Variants in CLIC4 observed in about 807,000 individuals in gnomAD.
CLIC4 encodes chloride intracellular channel protein 4.
CLIC4 carries 13 observed loss-of-function variants against 24.6 expected under a neutral mutation model. The observed-to-expected ratio is 0.53, with a 90% confidence interval of 0.34 to 0.84. CLIC4 has a LOEUF of 0.84. Among genes scored for constraint, CLIC4 ranks in the 40% least tolerant of loss-of-function variants. The pLI is 0.01. For missense variants in CLIC4, 227 were observed against 301.7 expected (o/e 0.75, Z 1.83); for synonymous variants, 104 against 111.3 (o/e 0.93, Z 0.41).
intron 1 of CLIC4, among the ~76,000 whole-genome samples, chr1:24,765,081 G>A (rs985876422): frequency 6.6e-6 from 1 of 152,148 alleles, no homozygotes; most frequent in African/African-American, 2.4e-5. Context: ...TGCCTGGGAG[G>A]CCTTTTCACT....
At chr1:24,773,591 C>CTTTT (rs61367134) in intron 1 of CLIC4, among the ~76,000 whole-genome samples, 11 of 73,986 alleles carry the variant, frequency 1.5e-4, no homozygotes, top group East Asian at 1.3e-3. Context: ...TGAGATGCAC[C>CTTTT]TTTTTTTTTT....
chr1:24,755,364 G>C, intron 1 of CLIC4, among the ~76,000 whole-genome samples: 1 of 151,580 alleles, frequency 6.6e-6, no homozygotes, highest in Middle Eastern at 3.4e-3. Flanking sequence ...TCTTGAACCC[G>C]GGAGGCGGAG....
chr1:24,840,321 T>C (rs1277384335), intron 5 of CLIC4, among the ~76,000 whole-genome samples: 1 of 152,226 alleles, frequency 6.6e-6, no homozygotes, highest in African/African-American at 2.4e-5. Context: ...CACTGACTTA[T>C]GTTATCAAAT....
intron 1 of CLIC4, among the ~76,000 whole-genome samples, chr1:24,780,480 C>T (rs928763855): frequency 1.3e-5 from 2 of 152,242 alleles, no homozygotes; most frequent in African/African-American, 4.8e-5. Flanking sequence ...ACCACTTTCT[C>T]ATGTACTCAT....
At chr1:24,767,608 A>T (rs1268074995) in intron 1 of CLIC4, among the ~76,000 whole-genome samples, 1 of 152,184 alleles carries the variant, frequency 6.6e-6, no homozygotes, top group Admixed American at 6.5e-5. Context: ...CTTACTAGGT[A>T]ACTAAAGGAC....
chr1:24,820,267 CTTTTT>C (rs372726009), intron 3 of CLIC4, among the ~76,000 whole-genome samples: 4 of 49,770 alleles, frequency 8.0e-5, no homozygotes, highest in Non-Finnish European at 1.3e-4. Flanking sequence ...CCTTTTTGGT[CTTTTT>C]TTTTTTTTTT....
chr1:24,798,056 A>C, intron 2 of CLIC4: 2 of 424,134 alleles, frequency 4.7e-6, no homozygotes, highest in East Asian at 4.5e-5. Flanking sequence ...TTTTTTAGGA[A>C]CTTTTGTATG....
intron 1 of CLIC4, among the ~76,000 whole-genome samples, chr1:24,786,920 T>A (rs779913522): frequency 6.6e-6 from 1 of 151,644 alleles, no homozygotes; most frequent in Non-Finnish European, 1.5e-5. Flanking sequence ...GCCAGGCCAA[T>A]TTTTATTTTT....
chr1:24,819,140 T>G (rs1433877989), intron 3 of CLIC4, among the ~76,000 whole-genome samples: 1 of 152,130 alleles, frequency 6.6e-6, no homozygotes, highest in African/African-American at 2.4e-5. Context: ...TTTTATTTTC[T>G]TAATTCTTTT....
intron 1 of CLIC4, among the ~76,000 whole-genome samples, chr1:24,755,309 C>G (rs1250634032): frequency 8.2e-5 from 12 of 146,416 alleles, no homozygotes; most frequent in Middle Eastern, 3.8e-3. Context: ...CATGATGGTG[C>G]ACGCCTGTAA....
chr1:24,766,236 CTCCTGT>C (rs935939953), intron 1 of CLIC4, among the ~76,000 whole-genome samples: 11 of 152,004 alleles, frequency 7.2e-5, no homozygotes, highest in African/African-American at 2.4e-4. Context: ...ATCTCTTGAC[CTCCTGT>C]TCCACCCACC....
chr1:24,772,717 C>G (rs956720874), intron 1 of CLIC4, among the ~76,000 whole-genome samples: 2 of 152,178 alleles, frequency 1.3e-5, no homozygotes, highest in African/African-American at 4.8e-5. Context: ...AACCCCTGAC[C>G]TCATGATCCA....
At chr1:24,826,702 C>G (rs116350385) in intron 3 of CLIC4, among the ~76,000 whole-genome samples, 305 of 152,304 alleles carry the variant, frequency 2.0e-3, no homozygotes, top group Middle Eastern at 0.014. Context: ...TTCCAAGACT[C>G]CCATTGGCCT....
Position 24,784,208 on chromosome 1 carries a change from C to T in CLIC4, c.73-13534C>T, listed in dbSNP as rs1006673763. On this transcript the variant is annotated intron_variant, in intron 1 of 5. Transcript: ENST00000374379. ...ATCAAAAAGTGTGAAAGGTACACAA[C>T]AAACAACTCCCCTAACCCCGTCCCT... Among the ~76,000 whole-genome samples the T allele has an allele frequency of 3.3e-5, 5 of 152,266 alleles. No homozygotes were observed. In the South Asian group the frequency reaches 8.3e-4, roughly 25 times the overall value.
chr1:24,785,854 C>CAAAAAAAACAAA (rs1639259892), intron 1 of CLIC4, among the ~76,000 whole-genome samples: 1 of 58,852 alleles, frequency 1.7e-5, no homozygotes, highest in Non-Finnish European at 2.9e-5. Flanking sequence ...GACTACAACT[C>CAAAAAAAACAAA]AAAAAAAAAA....
chr1:24,812,465 A>G (rs1437095653), intron 2 of CLIC4, among the ~76,000 whole-genome samples: 3 of 152,178 alleles, frequency 2.0e-5, no homozygotes, highest in Non-Finnish European at 2.9e-5. Flanking sequence ...TAGGGAAGTC[A>G]TGACTTACCC....
rs144015106 is a variant in CLIC4 at position 24,748,081 on chromosome 1, A to G, written c.72+2456A>G. The stretch of plus-strand genomic sequence containing the variant: ...CAGTTATGGCTCTATTCAGTATTCT[A>G]TTATTCTATTGGAGGAGCTAATCAA... On this transcript the variant is annotated intron_variant, in intron 1 of 5. Transcript: ENST00000374379. Among the ~76,000 whole-genome samples, 858 of 152,104 alleles carry G rather than the reference A, an allele frequency of 5.6e-3. 8 individuals are homozygous for G. Among genetic ancestry groups the G allele is most frequent in the South Asian group, 0.026 (123 of 4,814 alleles).
At chr1:24,806,792 G>A (rs1639554949) in intron 2 of CLIC4, among the ~76,000 whole-genome samples, 1 of 152,104 alleles carries the variant, frequency 6.6e-6, no homozygotes, top group Non-Finnish European at 1.5e-5. Flanking sequence ...CATACTTTTA[G>A]TTCACTTTCA....
At chr1:24,839,380 A>G (rs953801747) in intron 4 of CLIC4, among the ~76,000 whole-genome samples, 4 of 152,172 alleles carry the variant, frequency 2.6e-5, no homozygotes, top group Non-Finnish European at 5.9e-5. Flanking sequence ...GCTCACTGCA[A>G]GCTCGGCCTC....
Sources: gnomAD v4.1 joint callset for allele counts (sites outside exome capture counted in the v4.1 genomes callset) on GRCh38, gnomAD v4.1.1 for gene constraint, MANE v1.5 for transcripts, NCBI Gene and HGNC (gene_info 2026-07-23, HGNC 2026-07-21) for gene names.